WDTC1: variants seen among roughly 807,000 people sequenced by gnomAD.
WDTC1 encodes the protein WD and tetratricopeptide repeats protein 1.
WDTC1 carries 12 observed loss-of-function variants against 76.0 expected under a neutral mutation model. The observed-to-expected ratio is 0.16, with a 90% CI of 0.10 to 0.26. WDTC1 has a LOEUF of 0.26. Ranked by LOEUF, WDTC1 falls within the 10% of genes least tolerant of loss-of-function variation. The probability of loss-of-function intolerance (pLI) is 1.00; values close to 1 mark genes in which losing one functional copy is unlikely to be tolerated. For missense variants in WDTC1, 511 were observed against 908.8 expected (o/e 0.56, Z 5.63); for synonymous variants, 326 against 350.8 (o/e 0.93, Z 0.79).
chr1:27,286,098 C>T (rs985091693), intron 5 of WDTC1, among the ~76,000 whole-genome samples: 5 of 149,344 alleles, frequency 3.3e-5, no homozygotes, highest in South Asian at 2.1e-4. Flanking sequence ...CTCCACCTCC[C>T]GGCTTCAAGT....
intron 1 of WDTC1, among the ~76,000 whole-genome samples, chr1:27,240,943 C>G (rs563908772): frequency 1.4e-5 from 2 of 147,822 alleles, no homozygotes; most frequent in East Asian, 4.0e-4. Context: ...ACACTGTACT[C>G]CAGCCTGGGT....
Position 27,287,666 on chromosome 1 carries a change from CTA to C in WDTC1, c.292-3_292-2del. The C allele has an allele frequency of 6.2e-7, 1 of 1,612,072 alleles. No homozygotes were observed. Among genetic ancestry groups the C allele is most frequent in the Non-Finnish European group, 8.5e-7 (1 of 1,179,164 alleles). On this transcript the variant is annotated splice_polypyrimidine_tract_variant and splice_region_variant and intron_variant, in intron 5 of 15. Coordinates refer to ENST00000319394, the MANE Select transcript of WDTC1 (RefSeq NM_001276252.2). ...CCACCCACCCCTTCCTCCATTTCTC[CTA>C]TATAGTTCCTGCCTCACGCTGGGGA...
At chr1:27,285,455 C>T (rs1045176902) in intron 5 of WDTC1, among the ~76,000 whole-genome samples, 2 of 152,096 alleles carry the variant, frequency 1.3e-5, no homozygotes, top group African/African-American at 4.8e-5. Context: ...TTGCCCCTCC[C>T]CCAACACTAC....
intron 1 of WDTC1, among the ~76,000 whole-genome samples, chr1:27,237,467 T>C (rs901489363): frequency 3.3e-5 from 5 of 152,176 alleles, no homozygotes; most frequent in Non-Finnish European, 7.3e-5. Flanking sequence ...TAGGCTGCCA[T>C]TGCAGATTGC....
Position 27,234,656 on chromosome 1 carries a change from G to C in WDTC1, c.-395G>C, listed in dbSNP as rs1301053889. Reference sequence around the variant, plus strand: ...TGGGCTTCTCCTGGGTCCCCAGACAGCTGGAGGAGATAAACAGAGGAGGAG... The same window carrying C: ...TGGGCTTCTCCTGGGTCCCCAGACACCTGGAGGAGATAAACAGAGGAGGAG... On this transcript the variant is annotated 5_prime_UTR_variant, in exon 1 of 16. Coordinates refer to ENST00000319394, the MANE Select transcript of WDTC1 (RefSeq NM_001276252.2). The C allele has an allele frequency of 2.5e-6, 1 of 396,356 alleles. No homozygotes were observed. Among genetic ancestry groups the C allele is most frequent in the African/African-American group, 2.1e-5 (1 of 48,628 alleles). The allele number at this position is 396,356 out of a possible 1,614,324, so 24.6% of individuals were successfully genotyped here.
At chr1:27,238,187 G>A (rs527888612) in intron 1 of WDTC1, among the ~76,000 whole-genome samples, 1 of 152,316 alleles carries the variant, frequency 6.6e-6, no homozygotes, top group Non-Finnish European at 1.5e-5. Context: ...TCTCTGCTCT[G>A]TGATATTGAA....
intron 5 of WDTC1, among the ~76,000 whole-genome samples, chr1:27,286,832 C>T (rs752998716): frequency 2.6e-5 from 4 of 151,950 alleles, no homozygotes; most frequent in Non-Finnish European, 5.9e-5. Context: ...GTTACTATTA[C>T]CAGATTGTTT....
At position 27,298,053 on chromosome 1, in the gene WDTC1, G is replaced by T. The variant is rs763131444; in HGVS notation, c.1174G>T (p.Ala392Ser). 2 of 1,613,916 alleles carry T rather than the reference G, an allele frequency of 1.2e-6. No individual in the cohort carries two copies. Among genetic ancestry groups the T allele is most frequent in the South Asian group, 1.1e-5 (1 of 91,058 alleles). ...GCTTTACAGCAAGGCTGTGCAGAGG[G>T]CCCCTCACAATGCCATGCTTTATGG... ...IQLYSKAVQR[A>S]PHNAMLYGNR... Residue 392 changes from alanine (A) to serine (S), a missense_variant, in exon 12 of 16, where the codon GCC becomes TCC. Ala to Ser is a moderately conservative substitution (Grantham distance 99). Transcript: ENST00000319394.
intron 7 of WDTC1, among the ~76,000 whole-genome samples, chr1:27,293,435 T>A (rs199886101): frequency 9.2e-5 from 12 of 130,588 alleles, no homozygotes; most frequent in South Asian, 2.5e-4. Flanking sequence ...CAGTCTCAAT[T>A]AAAAAAAAAA....
At chr1:27,247,324 T>C (rs1341872525) in intron 1 of WDTC1, among the ~76,000 whole-genome samples, 1 of 152,164 alleles carries the variant, frequency 6.6e-6, no homozygotes, top group Admixed American at 6.6e-5. Flanking sequence ...CCCAAAATGC[T>C]GGGATTAGAG....
chr1:27,275,737 C>T (rs1217308674), intron 3 of WDTC1, among the ~76,000 whole-genome samples: 1 of 152,116 alleles, frequency 6.6e-6, no homozygotes, highest in East Asian at 1.9e-4. Flanking sequence ...GGGCCAAATC[C>T]AGAATGTCGC....
At position 27,273,791 on chromosome 1, in the gene WDTC1, T is replaced by C. The variant is rs541283468; in HGVS notation, c.133-8448T>C. Among the ~76,000 whole-genome samples, 4 of 151,872 alleles carry C rather than the reference T, an allele frequency of 2.6e-5. No individual in the cohort carries two copies. The South Asian group carries it at 8.3e-4, about 32-fold the overall frequency. ...AGTCTACAACTGATTTCTCAAATGG[T>C]TCAGAAAAAAAGTACTAAGTACTTT... On this transcript the variant is annotated intron_variant, in intron 3 of 15. Coordinates refer to ENST00000319394, the MANE Select transcript of WDTC1 (RefSeq NM_001276252.2).
chr1:27,262,848 C>T (rs2147934028), intron 2 of WDTC1, among the ~76,000 whole-genome samples: 1 of 152,080 alleles, frequency 6.6e-6, no homozygotes, highest in South Asian at 2.1e-4. Context: ...ATGATGCCCA[C>T]CCTGTCCAAC....
At position 27,306,141 on chromosome 1, in the gene WDTC1, C is replaced by A. The variant is rs1372856765; in HGVS notation, c.1837-45C>A. 6.2e-7 allele frequency: 1 copy of A among 1,611,284 alleles called. No individual in the cohort carries two copies. Among genetic ancestry groups the A allele is most frequent in the Non-Finnish European group, 8.5e-7 (1 of 1,178,160 alleles). ...CCCCTATACGTGTACCCTGGTGCCT[C>A]TCCCTCCCTGAGCCCCACGTGTGTC... On this transcript the variant is annotated intron_variant, in intron 15 of 15. Transcript: ENST00000319394. The surrounding 1 kb of genome is among the most constrained non-coding windows in gnomAD (Gnocchi z 5.0).
intron 1 of WDTC1, among the ~76,000 whole-genome samples, chr1:27,247,582 G>C (rs1436703861): frequency 1.3e-5 from 2 of 152,044 alleles, no homozygotes; most frequent in African/African-American, 4.8e-5. Flanking sequence ...TGCCATATTT[G>C]GTTTTCTGTT....
At chr1:27,256,946 C>G (rs2012302181) in intron 1 of WDTC1, among the ~76,000 whole-genome samples, 1 of 152,166 alleles carries the variant, frequency 6.6e-6, no homozygotes, top group Non-Finnish European at 1.5e-5. Flanking sequence ...ACTGCAAGCT[C>G]CGTCTCCCGG....
rs141979631 is a variant in WDTC1 at position 27,298,176 on chromosome 1, A to G, written c.1232+65A>G. The G allele has an allele frequency of 7.9e-4, 1,185 of 1,493,810 alleles. 14 individuals are homozygous for G. In the African/African-American group the frequency reaches 0.015, roughly 19 times the overall value. 92.5% of individuals were successfully genotyped at this position (1,493,810 alleles called of 1,614,324 possible). A position where few individuals can be genotyped will look rare whatever the true frequency, so the allele number is the denominator to read the frequency against. On this transcript the variant is annotated intron_variant, in intron 12 of 15. Transcript: ENST00000319394. Reference sequence around the variant, plus strand: ...GGAGAAAGCAGCTGGACCAAAAGGCAGGGGCCTGATGGAGCCAAGTTGCCA... The same window carrying G: ...GGAGAAAGCAGCTGGACCAAAAGGCGGGGGCCTGATGGAGCCAAGTTGCCA...
At chr1:27,291,733 A>G (rs530848246) in intron 6 of WDTC1, among the ~76,000 whole-genome samples, 2 of 152,302 alleles carry the variant, frequency 1.3e-5, no homozygotes, top group South Asian at 4.1e-4. Flanking sequence ...CATGAAAGAA[A>G]CTAGATTAGG....
chr1:27,244,003 G>C (rs1349941863), intron 1 of WDTC1, among the ~76,000 whole-genome samples: 1 of 151,456 alleles, frequency 6.6e-6, no homozygotes, highest in East Asian at 1.9e-4. Flanking sequence ...CCAGGTGTGT[G>C]TGGGTGGTGC....
Sources: gnomAD v4.1 joint callset for allele counts (sites outside exome capture counted in the v4.1 genomes callset) on GRCh38, gnomAD v4.1.1 for gene constraint, Gnocchi (gnomAD v3.1) non-coding constraint, MANE v1.5 for transcripts, NCBI Gene and HGNC (gene_info 2026-07-23, HGNC 2026-07-21) for gene names.